VPS53: variants seen among roughly 807,000 people sequenced by gnomAD.
VPS53 encodes vacuolar protein sorting-associated protein 53 homolog.
Under a neutral mutation model 107.0 loss-of-function variants are expected in VPS53, and 70 were observed. The ratio of observed to expected loss-of-function variants is 0.65; its 90% CI spans 0.54 to 0.80. VPS53 has a LOEUF of 0.80. Among genes scored for constraint, VPS53 ranks in the 30% least tolerant of loss-of-function variants. The pLI is 0.00. For missense variants in VPS53, 917 were observed against 1,049.4 expected (o/e 0.87, Z 1.74); for synonymous variants, 409 against 393.3 (o/e 1.04, Z -0.47).
rs1195835497 is a variant in VPS53, at chr17:543,783, A to AGAAGGAAGGAAG, written c.1867-6619_1867-6608dup. ...TGGCTTTGGGCATAATATGAAGAAG[A>AGAAGGAAGGAAG]GAAGGAAGGAAGGAAGGAAGGAAGG... On this transcript the variant is annotated intron_variant, in intron 17 of 21. Transcript: ENST00000437048. Among the ~76,000 whole-genome samples the AGAAGGAAGGAAG allele has an allele frequency of 7.3e-3, 313 of 43,146 alleles. 13 individuals are homozygous for AGAAGGAAGGAAG. The East Asian group carries it at 0.087, about 12-fold the overall frequency. The allele number at this position is 43,146 out of a possible 152,430, so 28.3% of individuals were successfully genotyped here. A position where few individuals can be genotyped will look rare whatever the true frequency, so the allele number is the denominator to read the frequency against.
intron 13 of VPS53, among the ~76,000 whole-genome samples, chr17:576,046 G>C (rs541195750): frequency 2.0e-5 from 3 of 149,626 alleles, no homozygotes; most frequent in Non-Finnish European, 3.0e-5. Context: ...ACAACCTAAC[G>C]CGTTCTCAGA....
chr17:525,670 G>A (rs1909073737), intron 19 of VPS53, among the ~76,000 whole-genome samples: 2 of 151,648 alleles, frequency 1.3e-5, no homozygotes, highest in South Asian at 4.2e-4. Flanking sequence ...CCCCAGCCTG[G>A]GAGACAGAGT....
chr17:614,032 T>A (rs2143014822), intron 11 of VPS53, among the ~76,000 whole-genome samples: 1 of 152,210 alleles, frequency 6.6e-6, no homozygotes, highest in East Asian at 1.9e-4. Flanking sequence ...AAACCACACA[T>A]CGTAGCATCC....
intron 12 of VPS53, among the ~76,000 whole-genome samples, chr17:592,096 T>C (rs1229461209): frequency 6.6e-6 from 1 of 152,222 alleles, no homozygotes; most frequent in East Asian, 1.9e-4. Flanking sequence ...TGCATATATA[T>C]TTAGGATAGT....
At chr17:581,025 A>C (rs1966986965) in intron 13 of VPS53, among the ~76,000 whole-genome samples, 1 of 151,696 alleles carries the variant, frequency 6.6e-6, no homozygotes, top group Non-Finnish European at 1.5e-5. Context: ...ACCTTCCCTC[A>C]CAACCTAATG....
intron 13 of VPS53, among the ~76,000 whole-genome samples, chr17:581,755 C>A (rs746235731): frequency 3.3e-5 from 5 of 151,792 alleles, no homozygotes; most frequent in Admixed American, 2.0e-4. Flanking sequence ...TCCCAGAGAT[C>A]CTCCCTCAGA....
At chr17:688,956 A>C (rs1972685462) in intron 4 of VPS53, among the ~76,000 whole-genome samples, 1 of 152,202 alleles carries the variant, frequency 6.6e-6, no homozygotes, top group Non-Finnish European at 1.5e-5. Context: ...ACAGAAAAGA[A>C]ACAAAAAATG....
chr17:526,337 A>T (rs1449409474), intron 19 of VPS53, among the ~76,000 whole-genome samples: 1 of 152,236 alleles, frequency 6.6e-6, no homozygotes, highest in Non-Finnish European at 1.5e-5. Flanking sequence ...AATGACAGGA[A>T]GGGTTTGAAT....
chr17:539,088 C>T (rs1296700101), intron 17 of VPS53: 1 of 152,156 alleles, frequency 6.6e-6, no homozygotes. Context: ...GGGCTTGATG[C>T]CCCCAAAGCC....
In VPS53 at chr17:518,651, C is replaced by G. The variant is rs1189986898; in HGVS notation, c.*477G>C. 2 of 151,002 alleles carry G rather than the reference C, an allele frequency of 1.3e-5. No individual in the cohort carries two copies. Among genetic ancestry groups the G allele is most frequent in the Admixed American group, 6.7e-5 (1 of 14,974 alleles). 9.4% of individuals were successfully genotyped at this position (151,002 alleles called of 1,614,324 possible). Reference sequence around the variant, plus strand: ...GGGCTCGGTGGCTCACGCCTGTAATCCGATACTCAGGAGGCTGAGGCAGGA... The same window carrying G: ...GGGCTCGGTGGCTCACGCCTGTAATGCGATACTCAGGAGGCTGAGGCAGGA... On this transcript the variant is annotated 3_prime_UTR_variant, in exon 22 of 22. Coordinates refer to ENST00000437048, the MANE Select transcript of VPS53 (RefSeq NM_001128159.3).
At chr17:600,058 A>G (rs1020884314) in intron 12 of VPS53, 1 of 152,220 alleles carries the variant, frequency 6.6e-6, no homozygotes, top group African/African-American at 2.4e-5. Context: ...TGTTCTTAGA[A>G]TGAGCAGGTC....
chr17:534,434 G>C (rs1353486849), intron 18 of VPS53, among the ~76,000 whole-genome samples: 1 of 152,182 alleles, frequency 6.6e-6, no homozygotes, highest in Non-Finnish European at 1.5e-5. Flanking sequence ...GGAAGCTGAG[G>C]GAGAGGAAAC....
At chr17:698,836 A>T (rs192289052) in intron 3 of VPS53, among the ~76,000 whole-genome samples, 59 of 152,316 alleles carry the variant, frequency 3.9e-4, no homozygotes, top group Admixed American at 3.8e-3. Flanking sequence ...AAGACTGGCC[A>T]AAGCATTGAG....
rs932225739 is a variant in VPS53 at position 601,873 on chromosome 17, T to C, written c.1140A>G (p.Pro380=). ...CATCTTCCAGGAAGGGATTGGTAGA[T>C]GGGGGTGGAGACTCAAGCTTTTTCT... is the stretch of plus-strand genomic sequence containing the variant. ...GTLKKLESPP[P]STNPFLEDEP... is the part of the protein sequence containing the mutation. Residue 380 remains proline, a synonymous_variant, in exon 12 of 22, where the codon CCA becomes CCG. Coordinates refer to ENST00000437048, the MANE Select transcript of VPS53 (RefSeq NM_001128159.3). 1.9e-6 allele frequency: 3 copies of C among 1,595,180 alleles called. No individual in the cohort carries two copies. The highest frequency in any genetic ancestry group is 2.6e-6 in the Non-Finnish European group (3 of 1,170,092).
chr17:661,909 A>T lies in VPS53; in HGVS notation c.286-14T>A. On this transcript the variant is annotated splice_polypyrimidine_tract_variant and intron_variant, in intron 4 of 21. Coordinates refer to ENST00000437048, the MANE Select transcript of VPS53 (RefSeq NM_001128159.3). ...CTCTTCAAGCGCCTAGAGTAAGGGA[A>T]ATACATGAAAAACAAAAAGTGGCTA... 6.5e-7 allele frequency: 1 copy of T among 1,549,160 alleles called. No individual in the cohort carries two copies. Among genetic ancestry groups the T allele is most frequent in the Non-Finnish European group, 8.7e-7 (1 of 1,145,804 alleles).
intron 19 of VPS53, among the ~76,000 whole-genome samples, chr17:527,940 A>C (rs1235632714): frequency 6.6e-6 from 1 of 151,976 alleles, no homozygotes; most frequent in Non-Finnish European, 1.5e-5. Context: ...AAAATAACCA[A>C]TCTTTTCTTT....
At chr17:620,106 T>C (rs1346949596) in intron 11 of VPS53, among the ~76,000 whole-genome samples, 1 of 152,162 alleles carries the variant, frequency 6.6e-6, no homozygotes, top group Non-Finnish European at 1.5e-5. Flanking sequence ...AGCAGAGAAG[T>C]ATACATATTT....
chr17:536,878 A>C, intron 18 of VPS53, 150 bp downstream of exon 18: 1 of 934,374 alleles, frequency 1.1e-6, no homozygotes, highest in Non-Finnish European at 1.6e-6. Context: ...AGGTGTCGGT[A>C]ATGGGAAGAC....
At chr17:672,109 G>C (rs73281391) in intron 4 of VPS53, among the ~76,000 whole-genome samples, 1,290 of 108,894 alleles carry the variant, frequency 0.012, 22 homozygotes, top group African/African-American at 0.041. Context: ...TGATGAGGGT[G>C]ACACACACAC....
Sources: allele counts gnomAD v4.1 joint callset (sites outside exome capture counted in the v4.1 genomes callset), GRCh38; gene constraint gnomAD v4.1.1; transcripts MANE v1.5; gene names NCBI Gene and HGNC (gene_info 2026-07-23, HGNC 2026-07-21).